The following RPS6KA3 variants were observed in gnomAD, a reference collection of about 807,000 sequenced individuals.
The protein encoded by RPS6KA3 is ribosomal protein S6 kinase alpha-3.
RPS6KA3 carries 4 observed loss-of-function variants against 67.2 expected under a neutral mutation model. The observed-to-expected ratio is 0.06, with a 90% CI of 0.03 to 0.14. The LOEUF (loss-of-function observed/expected upper bound fraction) is 0.14, where lower values mean the gene tolerates loss of function less well. Among genes scored for constraint, RPS6KA3 ranks in the 10% least tolerant of loss-of-function variants. The probability of loss-of-function intolerance (pLI) is 1.00; values close to 1 mark genes in which losing one functional copy is unlikely to be tolerated. For missense variants in RPS6KA3, 204 were observed against 559.0 expected (o/e 0.36, Z 6.40); for synonymous variants, 182 against 183.7 (o/e 0.99, Z 0.07).
chrX:20,172,862 T>C lies in RPS6KA3; in HGVS notation c.1237A>G (p.Arg413Gly), dbSNP rs765914103. 5 of 1,204,755 alleles carry C rather than the reference T, an allele frequency of 4.2e-6. No individual in the cohort carries two copies. The highest frequency in any genetic ancestry group is 5.6e-6 in the Non-Finnish European group (5 of 890,331). The change falls in exon 15 of 22, where the codon AGG (arginine) becomes GGG (glycine). Residue 413 changes from arginine (R) to glycine (G), a missense_variant. This residue lies in a region of RPS6KA3 where 24 missense variants were observed against 25.1 expected (regional missense o/e 0.96). Transcript: ENST00000379565. The stretch of plus-strand genomic sequence containing the variant: ...CCATCAGTAAACTGAATACTGTTCC[T>C]GTGTAACTGCTACAAAAAATTATAA... Reference protein sequence around the residue: ...GVHSIVQQLHRNSIQFTDGYE... With the variant: ...GVHSIVQQLHGNSIQFTDGYE...
chrX:20,155,800 T>G, intron 21 of RPS6KA3, among the ~76,000 whole-genome samples: 1 of 111,956 alleles, frequency 8.9e-6, no homozygotes, highest in East Asian at 2.8e-4. Context: ...ATTCCTTTAA[T>G]GCATAAAGGC....
intron 2 of RPS6KA3, among the ~76,000 whole-genome samples, chrX:20,222,314 C>A (rs775984123): frequency 1.8e-5 from 2 of 111,615 alleles, no homozygotes; most frequent in Non-Finnish European, 3.8e-5. Context: ...TTAAGTGAGG[C>A]CTTAGACCCA....
intron 7 of RPS6KA3, among the ~76,000 whole-genome samples, chrX:20,192,602 T>C (rs1166375683): frequency 2.1e-4 from 19 of 90,541 alleles, no homozygotes; most frequent in East Asian, 9.8e-4. Context: ...CTTTTTTTTT[T>C]TTTTTTTTTT....
At chrX:20,186,419 A>G in intron 9 of RPS6KA3, 53 bp from the exon 10 acceptor site, 1 of 730,565 alleles carries the variant, frequency 1.4e-6, no homozygotes. Context: ...TAAAATCTGA[A>G]GGCCAGAAGG....
intron 2 of RPS6KA3, among the ~76,000 whole-genome samples, chrX:20,213,834 G>A (rs923761536): frequency 9.1e-6 from 1 of 109,813 alleles, no homozygotes; most frequent in African/African-American, 3.3e-5. Context: ...ATAGACAACA[G>A]CATCCACATT....
At position 20,154,099 on chromosome X, in the gene RPS6KA3, T is replaced by C. The variant is rs2067147449; in HGVS notation, c.*1299A>G. 1 of 112,200 alleles carries C rather than the reference T, an allele frequency of 8.9e-6. No homozygotes were observed. Among genetic ancestry groups the C allele is most frequent in the Non-Finnish European group, 1.9e-5 (1 of 53,245 alleles). 9.2% of individuals were successfully genotyped at this position (112,200 alleles called of 1,213,427 possible). ...TACCAAATTAGATGCAGATAATGAATACTGCAATCTAAGCAGGCCCAGTGG... is the reference window on the plus strand; with the variant it reads ...TACCAAATTAGATGCAGATAATGAACACTGCAATCTAAGCAGGCCCAGTGG... On this transcript the variant is annotated 3_prime_UTR_variant, in exon 22 of 22. Transcript: ENST00000379565.
intron 15 of RPS6KA3, among the ~76,000 whole-genome samples, chrX:20,170,498 C>A (rs2067546416): frequency 8.9e-6 from 1 of 111,783 alleles, no homozygotes; most frequent in Non-Finnish European, 1.9e-5. Context: ...AGACCAACTC[C>A]TTCTCTTCTT....
At chrX:20,231,851 G>C (rs2069272970) in intron 2 of RPS6KA3, among the ~76,000 whole-genome samples, 2 of 111,287 alleles carry the variant, frequency 1.8e-5, no homozygotes, top group Non-Finnish European at 3.8e-5. Flanking sequence ...GAATGCCAAG[G>C]ATTGCTGGCA....
intron 17 of RPS6KA3, among the ~76,000 whole-genome samples, chrX:20,165,504 A>T (rs1464167082): frequency 1.8e-5 from 2 of 111,487 alleles, no homozygotes; most frequent in Non-Finnish European, 3.8e-5. Flanking sequence ...GAGATGGGAC[A>T]TAACTAGGGA....
chrX:20,209,210 A>G, intron 3 of RPS6KA3, 78 bp downstream of exon 3: 2 of 596,642 alleles, frequency 3.4e-6, no homozygotes, highest in Non-Finnish European at 5.9e-6. Context: ...ATTTCATAAA[A>G]TATTTGTTTC....
At chrX:20,229,041 G>T (rs1035481380) in intron 2 of RPS6KA3, among the ~76,000 whole-genome samples, 8 of 111,317 alleles carry the variant, frequency 7.2e-5, no homozygotes, top group Non-Finnish European at 1.3e-4. Flanking sequence ...TGAATGACTA[G>T]ATGTAGTTAG....
chrX:20,236,490 CTT>C lies in RPS6KA3; in HGVS notation c.70-1678_70-1677del, dbSNP rs2069414761. On this transcript the variant is annotated intron_variant, in intron 1 of 21. Coordinates refer to ENST00000379565, the MANE Select transcript of RPS6KA3 (RefSeq NM_004586.3). ...AGCTGCTCTAAATATGAACTCCCCT[CTT>C]TGTTTTTCTCATCCCTATTTACCAT... is the stretch of plus-strand genomic sequence containing the variant. 2.2e-4 allele frequency among the ~76,000 whole-genome samples: 24 copies of C among 111,443 alleles called. No homozygotes were observed. In the Admixed American group the frequency reaches 2.2e-3, roughly 10 times the overall value.
rs374097664 is a variant in RPS6KA3, at chrX:20,208,085, G to A, written c.243+1203C>T. Among the ~76,000 whole-genome samples the A allele has an allele frequency of 5.4e-5, 6 of 110,840 alleles. No homozygotes were observed. The East Asian group carries it at 1.7e-3, about 31-fold the overall frequency. ...AGATAGTTTTTTCACAGACTGGCGC[G>A]GTGGGAGGGGGAGATGATTTTGGGA... On this transcript the variant is annotated intron_variant, in intron 3 of 21. Coordinates refer to ENST00000379565, the MANE Select transcript of RPS6KA3 (RefSeq NM_004586.3).
At chrX:20,202,648 C>T (rs182249899) in intron 4 of RPS6KA3, among the ~76,000 whole-genome samples, 1 of 112,008 alleles carries the variant, frequency 8.9e-6, no homozygotes, top group African/African-American at 3.2e-5. Context: ...TAACAGTTGG[C>T]CTTCTCTAAT....
chrX:20,156,337 C>G, intron 20 of RPS6KA3, 88 bp from the exon 21 acceptor site: 1 of 956,611 alleles, frequency 1.0e-6, no homozygotes, highest in Non-Finnish European at 1.5e-6. Flanking sequence ...TCTTCCTTAG[C>G]TTCTGTGATA....
intron 2 of RPS6KA3, among the ~76,000 whole-genome samples, chrX:20,228,319 T>G (rs985543178): frequency 8.9e-6 from 1 of 111,948 alleles, no homozygotes; most frequent in Non-Finnish European, 1.9e-5. Context: ...TCTTATAGGT[T>G]AACTAGCCAA....
chrX:20,227,972 T>A (rs1043865809), intron 2 of RPS6KA3, among the ~76,000 whole-genome samples: 5 of 111,895 alleles, frequency 4.5e-5, no homozygotes, highest in Admixed American at 2.8e-4. Flanking sequence ...CTACCTCTTA[T>A]TGTTCTACTT....
intron 1 of RPS6KA3, among the ~76,000 whole-genome samples, chrX:20,256,224 G>T (rs1156419877): frequency 9.8e-6 from 1 of 101,556 alleles, no homozygotes; most frequent in African/African-American, 3.7e-5. Flanking sequence ...ATTAATTAGG[G>T]CTATTTGACC....
At chrX:20,266,464 G>A in intron 1 of RPS6KA3, 100 bp downstream of exon 1, 3 of 682,157 alleles carry the variant, frequency 4.4e-6, no homozygotes, top group Non-Finnish European at 6.6e-6. Context: ...AGACGCGAGC[G>A]GGATCAGAAC....
Sources: gnomAD v4.1 joint callset for allele counts (sites outside exome capture counted in the v4.1 genomes callset) on GRCh38, gnomAD v4.1.1 for gene constraint, gnomAD v4.1.1 regional missense constraint, MANE v1.5 for transcripts, NCBI Gene and HGNC (gene_info 2026-07-23, HGNC 2026-07-21) for gene names.